The following C1GALT1 variants were observed in gnomAD, a reference collection of about 807,000 sequenced individuals.
The protein encoded by C1GALT1 is core 1 synthase, glycoprotein-N-acetylgalactosamine 3-beta-galactosyltransferase 1.
A neutral mutation model predicts 31.0 loss-of-function variants in C1GALT1; 11 were observed. The observed-to-expected ratio is 0.36, with a 90% CI of 0.22 to 0.59. The LOEUF (loss-of-function observed/expected upper bound fraction) is 0.59. Ranked by LOEUF, C1GALT1 falls within the 20% of genes least tolerant of loss-of-function variation. The pLI, the probability that C1GALT1 is intolerant of heterozygous loss-of-function variation, is 0.79. For missense variants in C1GALT1, 424 were observed against 425.2 expected, an observed-to-expected ratio of 1.00 and a Z score of 0.03; for synonymous variants, 175 against 143.6, an observed-to-expected ratio of 1.22 and a Z score of -1.56.
At chr7:7,181,465 T>C (rs1780586426), upstream of C1GALT1, among the ~76,000 whole-genome samples, 4 of 152,208 alleles carry the variant, frequency 2.6e-5, no homozygotes, top group South Asian at 6.2e-4. Context: ...ATCTGAAAAA[T>C]GAGACATCTG....
intron 1 of C1GALT1, 117 bp downstream of exon 1, chr7:7,182,937 C>T (rs1399907977): frequency 2.6e-6 from 2 of 764,050 alleles, no homozygotes; most frequent in Non-Finnish European, 3.2e-6. Flanking sequence ...CCGGGCGCGG[C>T]GGAACAGGTG....
chr7:7,232,792 G>A (rs183542332), intron 1 of C1GALT1, among the ~76,000 whole-genome samples: 1 of 152,200 alleles, frequency 6.6e-6, no homozygotes, highest in Non-Finnish European at 1.5e-5. Context: ...GCCCAGCCGG[G>A]CATGGGCTTT....
chr7:7,242,496 T>G (rs1216535571), intron 3 of C1GALT1, among the ~76,000 whole-genome samples: 6 of 152,034 alleles, frequency 3.9e-5, no homozygotes, highest in African/African-American at 1.2e-4. Context: ...ATTATTAGAT[T>G]TATTAAATAT....
intron 1 of C1GALT1, among the ~76,000 whole-genome samples, chr7:7,199,014 G>T (rs1203651474): frequency 6.6e-6 from 1 of 151,850 alleles, no homozygotes; most frequent in African/African-American, 2.4e-5. Flanking sequence ...TTTTTTGAAG[G>T]GTTTTTTGTG....
intron 2 of C1GALT1, among the ~76,000 whole-genome samples, chr7:7,237,705 T>A (rs1382356367): frequency 6.6e-6 from 1 of 152,184 alleles, no homozygotes; most frequent in African/African-American, 2.4e-5. Flanking sequence ...TTGTAGAAAT[T>A]CTTAATAGTG....
chr7:7,163,635 C>A (rs1160925754), intron 2 of C1GALT1, among the ~76,000 whole-genome samples: 5 of 151,978 alleles, frequency 3.3e-5, no homozygotes, highest in Admixed American at 1.3e-4. Context: ...ATACAAAATC[C>A]ATGTACAAAA....
chr7:7,195,529 TGA>T (rs1192235295), intron 1 of C1GALT1, among the ~76,000 whole-genome samples: 6 of 152,298 alleles, frequency 3.9e-5, no homozygotes, highest in Admixed American at 3.9e-4. Context: ...CACTATAGTG[TGA>T]GAGAGTACTT....
At chr7:7,206,110 C>A (rs1027302706) in intron 1 of C1GALT1, among the ~76,000 whole-genome samples, 1 of 152,102 alleles carries the variant, frequency 6.6e-6, no homozygotes, top group African/African-American at 2.4e-5. Flanking sequence ...AATTATGCTT[C>A]TTTACAATTC....
upstream of C1GALT1, among the ~76,000 whole-genome samples, chr7:7,179,222 T>C (rs1402557633): frequency 1.3e-5 from 2 of 152,168 alleles, no homozygotes; most frequent in South Asian, 4.1e-4. Flanking sequence ...TGTTTTATAG[T>C]CTCCCCTCAG....
At chr7:7,223,872 T>A (rs1031302694) in intron 1 of C1GALT1, among the ~76,000 whole-genome samples, 3 of 152,210 alleles carry the variant, frequency 2.0e-5, no homozygotes, top group Non-Finnish European at 2.9e-5. Context: ...ATTCAGTCTT[T>A]TACCATTAAG....
At chr7:7,223,688 T>C (rs1478339106) in intron 1 of C1GALT1, among the ~76,000 whole-genome samples, 1 of 152,218 alleles carries the variant, frequency 6.6e-6, no homozygotes, top group Admixed American at 6.5e-5. Context: ...AGTCACATTA[T>C]CTACAAATCT....
intron 1 of C1GALT1, among the ~76,000 whole-genome samples, chr7:7,226,479 T>A (rs1223725988): frequency 6.6e-6 from 1 of 152,126 alleles, no homozygotes; most frequent in Non-Finnish European, 1.5e-5. Flanking sequence ...ATTAAAATCT[T>A]GGTGAAAGAA....
chr7:7,211,840 C>G (rs1275272510), intron 1 of C1GALT1, among the ~76,000 whole-genome samples: 2 of 152,082 alleles, frequency 1.3e-5, no homozygotes, highest in African/African-American at 2.4e-5. Context: ...CAGAAGATTA[C>G]CACTTGAGTC....
chr7:7,189,329 T>C (rs1780955469), intron 1 of C1GALT1, among the ~76,000 whole-genome samples: 1 of 152,140 alleles, frequency 6.6e-6, no homozygotes, highest in South Asian at 2.1e-4. Context: ...TAGTTAAAAA[T>C]TTAAAAAGAT....
At chr7:7,228,436 A>C (rs1782900192) in intron 1 of C1GALT1, among the ~76,000 whole-genome samples, 1 of 152,144 alleles carries the variant, frequency 6.6e-6, no homozygotes, top group Non-Finnish European at 1.5e-5. Context: ...TCCCCCACCC[A>C]ATTCAAAGAA....
At chr7:7,210,548 T>G (rs1190553345) in intron 1 of C1GALT1, 1 of 152,574 alleles carries the variant, frequency 6.6e-6, no homozygotes, top group Admixed American at 6.7e-5. Flanking sequence ...AGAGAAGGGA[T>G]CCCCAAGTGC....
chr7:7,239,097 G>T, intron 3 of C1GALT1, 175 bp downstream of exon 3: 2 of 593,438 alleles, frequency 3.4e-6, no homozygotes, highest in Non-Finnish European at 5.8e-6. Context: ...TCAGCAATCA[G>T]CAGTAGTCAC....
At chr7:7,181,907 C>T (rs80147803), upstream of C1GALT1, among the ~76,000 whole-genome samples, 581 of 152,240 alleles carry the variant, frequency 3.8e-3, 5 homozygotes, top group Non-Finnish European at 3.9e-3. Flanking sequence ...TTATTCAGAG[C>T]CCAGCGAAAG....
Position 7,182,770 on chromosome 7 carries a change from C to G in C1GALT1, c.-68C>G. On this transcript the variant is annotated 5_prime_UTR_variant, in exon 1 of 4. Transcript: ENST00000436587. ...GCAAAGGTCACCAGTCCCAAGTCGT[C>G]CCCCTCTCCGCCCCCCAGGAGGGGC... 2 of 985,084 alleles carry G rather than the reference C, an allele frequency of 2.0e-6. No homozygotes were observed. Among genetic ancestry groups the G allele is most frequent in the Non-Finnish European group, 2.4e-6 (2 of 829,588 alleles). The allele number at this position is 985,084 out of a possible 1,614,324, so 61.0% of individuals were successfully genotyped here. A position where few individuals can be genotyped will look rare whatever the true frequency, so the allele number is the denominator to read the frequency against.
Sources: allele counts gnomAD v4.1 joint callset (sites outside exome capture counted in the v4.1 genomes callset), GRCh38; gene constraint gnomAD v4.1.1; transcripts MANE v1.5; gene names NCBI Gene and HGNC (gene_info 2026-07-23, HGNC 2026-07-21).